The following SLC6A7 variants were observed in gnomAD, a reference collection of about 807,000 sequenced individuals.
SLC6A7 encodes solute carrier family 6 member 7.
SLC6A7 carries 58 observed loss-of-function variants against 73.1 expected under a neutral mutation model. The ratio of observed to expected loss-of-function variants is 0.79; its 90% CI spans 0.64 to 0.99. SLC6A7 has a LOEUF of 0.99. Ranked by LOEUF, SLC6A7 falls within the 50% of genes least tolerant of loss-of-function variation. The pLI, the probability that SLC6A7 is intolerant of heterozygous loss-of-function variation, is 0.00. For synonymous variants in SLC6A7, 338 were observed against 338.7 expected (o/e 1.00, Z 0.02); for missense variants, 783 against 831.4 (o/e 0.94, Z 0.72).
In SLC6A7 at chr5:150,209,580, C is replaced by A; in HGVS notation, c.1876C>A (p.Arg626Ser). ...SFENTAIEVD[R>S]EIAEEEESMM is the part of the protein sequence containing the mutation. ...CGAGAACACGGCCATCGAGGTGGAC[C>A]GTGAGATTGCAGAGGAGGAGGAGTC... The change falls in exon 14 of 14, where the codon CGT (arginine) becomes AGT (serine). Residue 626 changes from arginine to serine, a missense_variant. Physicochemically the swap from Arg to Ser is moderately radical, Grantham distance 110 (BLOSUM62 -1). Transcript: ENST00000230671. 2.5e-6 allele frequency: 4 copies of A among 1,612,348 alleles called. No homozygotes were observed. Among genetic ancestry groups the A allele is most frequent in the Non-Finnish European group, 3.4e-6 (4 of 1,179,186 alleles).
At chr5:150,203,645 A>T in intron 8 of SLC6A7, 22 bp from the exon 9 acceptor site, 1 of 1,285,554 alleles carries the variant, frequency 7.8e-7, no homozygotes, top group Non-Finnish European at 1.1e-6. Context: ...CAAGCTGCTG[A>T]CCCCGTGTGC....
At position 150,204,957 on chromosome 5, in the gene SLC6A7, C is replaced by G. The variant is rs1164876559; in HGVS notation, c.1533+30C>G. The stretch of plus-strand genomic sequence containing the variant: ...CTGGGGAGGGCGGGAGGGTTTCTGG[C>G]TGGGGCCCCAGAATTGAAAGCGGGA... On this transcript the variant is annotated intron_variant, in intron 12 of 13. Coordinates refer to ENST00000230671, the MANE Select transcript of SLC6A7 (RefSeq NM_014228.5). 3.0e-6 allele frequency: 4 copies of G among 1,336,164 alleles called. No homozygotes were observed. In the Admixed American group the frequency reaches 6.7e-5, roughly 23 times the overall value. The allele number at this position is 1,336,164 out of a possible 1,614,324, so 82.8% of individuals were successfully genotyped here.
chr5:150,196,842 T>G lies in SLC6A7; in HGVS notation c.344T>G (p.Phe115Cys), dbSNP rs764291834. 1 of 1,613,906 alleles carries G rather than the reference T, an allele frequency of 6.2e-7. No individual in the cohort carries two copies. Among genetic ancestry groups the G allele is most frequent in the South Asian group, 1.1e-5 (1 of 91,064 alleles). ...GCTGTCTGGAAAATCAGCCCTCTCT[T>G]CAAAGGTGAGGCCTCAGTGGTCCCC... The part of the protein sequence containing the change: ...PLAVWKISPL[F>C]KGAGAAMLLI... Residue 115 changes from phenylalanine to cysteine, a missense_variant, in exon 3 of 14, where the codon TTC becomes TGC. Phe to Cys is a radical substitution (Grantham distance 205, BLOSUM62 -2). Coordinates refer to ENST00000230671, the MANE Select transcript of SLC6A7 (RefSeq NM_014228.5).
At chr5:150,191,976 C>T (rs1279206099) in intron 1 of SLC6A7, among the ~76,000 whole-genome samples, 2 of 151,886 alleles carry the variant, frequency 1.3e-5, no homozygotes, top group Non-Finnish European at 2.9e-5. Context: ...AACTGAGGCA[C>T]AGAGGGGTGA....
At chr5:150,201,667 C>T (rs6579777) in intron 6 of SLC6A7, among the ~76,000 whole-genome samples, 3 of 152,078 alleles carry the variant, frequency 2.0e-5, no homozygotes, top group Non-Finnish European at 4.4e-5. Flanking sequence ...ATCAAGCTTA[C>T]GGTCATACAG....
chr5:150,202,529 TG>T, intron 7 of SLC6A7, 49 bp from the exon 8 acceptor site: 2 of 1,611,574 alleles, frequency 1.2e-6, no homozygotes, highest in Non-Finnish European at 1.7e-6. Context: ...CCTCAGAGGC[TG>T]AAAGGAAGGC....
rs748208725 is a variant in SLC6A7 at position 150,202,582 on chromosome 5, C to T, written c.966C>T (p.Asp322=). The T allele has an allele frequency of 1.2e-5, 19 of 1,614,050 alleles. No individual in the cohort carries two copies. In the Admixed American group the frequency reaches 2.0e-4, roughly 17 times the overall value. Reference sequence around the variant, plus strand: ...GCACCTGGACTTCTTCTGGTAGAGACACTTTCATCGTCACTCTGGGCAACG... The same window carrying T: ...GCACCTGGACTTCTTCTGGTAGAGATACTTTCATCGTCACTCTGGGCAACG... ...YNTFHQNIYR[D]TFIVTLGNAI... Residue 322 remains aspartate, a synonymous_variant, in exon 8 of 14, where the codon GAC becomes GAT. Transcript: ENST00000230671.
At chr5:150,203,451 GTGTT>G (rs1217832921) in intron 8 of SLC6A7, among the ~76,000 whole-genome samples, 1 of 152,186 alleles carries the variant, frequency 6.6e-6, no homozygotes, top group Non-Finnish European at 1.5e-5. Context: ...TTGGGGTCTT[GTGTT>G]TGTTTATCAA....
At chr5:150,199,192 G>T in intron 4 of SLC6A7, 36 bp from the exon 5 acceptor site, 1 of 1,544,610 alleles carries the variant, frequency 6.5e-7, no homozygotes, top group Non-Finnish European at 8.7e-7. Flanking sequence ...GCCTGGTGGG[G>T]TGACCAGGGG....
At position 150,200,142 on chromosome 5, in the gene SLC6A7, A is replaced by T. The variant is rs1026058702; in HGVS notation, c.723+776A>T. Among the ~76,000 whole-genome samples the T allele has an allele frequency of 2.0e-5, 3 of 152,208 alleles. No homozygotes were observed. In the East Asian group the frequency reaches 5.8e-4, roughly 29 times the overall value. On this transcript the variant is annotated intron_variant, in intron 5 of 13. Coordinates refer to ENST00000230671, the MANE Select transcript of SLC6A7 (RefSeq NM_014228.5). ...AGGTAAACTAGAGACTGGAAGACAA[A>T]GCCACGGATGTCTACTTTAGGTGAT...
chr5:150,208,984 G>T (rs959566910), intron 13 of SLC6A7, among the ~76,000 whole-genome samples: 2 of 152,184 alleles, frequency 1.3e-5, no homozygotes, highest in Non-Finnish European at 2.9e-5. Flanking sequence ...TTAGGGGAAG[G>T]CTCCCGGATT....
At chr5:150,194,004 G>C (rs1447310755) in intron 1 of SLC6A7, among the ~76,000 whole-genome samples, 1 of 152,190 alleles carries the variant, frequency 6.6e-6, no homozygotes. Context: ...TCAAAAAGTT[G>C]TTCTGAGAAT....
At position 150,204,889 on chromosome 5, in the gene SLC6A7, A is replaced by G. The variant is rs1562098998; in HGVS notation, c.1495A>G (p.Arg499Gly). Residue 499 changes from arginine to glycine, a missense_variant, in exon 12 of 14, where the codon AGG (arginine) becomes GGG (glycine). Arg to Gly is a moderately radical substitution (Grantham distance 125, BLOSUM62 -2). Transcript: ENST00000230671. ...GGGCTTCAAGCCGGGCCTCTACTTC[A>G]GGGCCTGCTGGCTGTTCCTGTCCCC... ...MLGFKPGLYF[R>G]ACWLFLSPAT... is the part of the protein sequence containing the mutation. 7.3e-7 allele frequency: 1 copy of G among 1,379,134 alleles called. No individual in the cohort carries two copies. The highest frequency in any genetic ancestry group is 9.7e-7 in the Non-Finnish European group (1 of 1,028,760). The allele number at this position is 1,379,134 out of a possible 1,614,324, so 85.4% of individuals were successfully genotyped here.
chr5:150,194,582 GT>G, intron 1 of SLC6A7, 145 bp from the exon 2 acceptor site: 1 of 664,164 alleles, frequency 1.5e-6, no homozygotes, highest in Non-Finnish European at 2.6e-6. Flanking sequence ...ATATGACAAG[GT>G]TAGTCCAGTT....
At chr5:150,207,769 T>G (rs1004431544) in intron 13 of SLC6A7, among the ~76,000 whole-genome samples, 4 of 152,138 alleles carry the variant, frequency 2.6e-5, no homozygotes, top group African/African-American at 9.7e-5. Flanking sequence ...GTAAAAGTAC[T>G]AATACCCCTC....
rs1370818615 is a variant in SLC6A7 at position 150,194,872 on chromosome 5, G to A, written c.178G>A (p.Val60Ile). The A allele has an allele frequency of 6.2e-7, 1 of 1,614,044 alleles. No homozygotes were observed. The highest frequency in any genetic ancestry group is 1.3e-5 in the African/African-American group (1 of 74,928). ...TGGCTACTGTGTAGGCCTGGGGAAT[G>A]TCTGGCGCTTCCCCTATCGAGCGTA... ...CIGYCVGLGN[V>I]WRFPYRAYTN... Residue 60 changes from valine to isoleucine, a missense_variant, in exon 2 of 14, where the codon GTC becomes ATC. By Grantham distance (29) the Val-to-Ile change is conservative. Coordinates refer to ENST00000230671, the MANE Select transcript of SLC6A7 (RefSeq NM_014228.5).
chr5:150,203,641 G>A (rs1360852566), intron 8 of SLC6A7, 26 bp from the exon 9 acceptor site: 3 of 1,223,800 alleles, frequency 2.5e-6, no homozygotes, highest in East Asian at 4.6e-5. Flanking sequence ...GACCCAAGCT[G>A]CTGACCCCGT....
Position 150,190,375 on chromosome 5 carries a change from CG to C in SLC6A7, c.33+20del. On this transcript the variant is annotated intron_variant, in intron 1 of 13. Transcript: ENST00000230671. The stretch of plus-strand genomic sequence containing the variant: ...ACCTCCGCAAGGTAGGGCACGAGGG[CG>C]GGGGCGCTGGGGGTGCACCTGGAGG... The C allele has an allele frequency of 1.3e-6, 2 of 1,484,164 alleles. No individual in the cohort carries two copies. Among genetic ancestry groups the C allele is most frequent in the Admixed American group, 2.6e-5 (1 of 38,794 alleles). 91.9% of individuals were successfully genotyped at this position (1,484,164 alleles called of 1,614,324 possible). A position where few individuals can be genotyped will look rare whatever the true frequency, so the allele number is the denominator to read the frequency against.
At chr5:150,200,987 C>A in intron 5 of SLC6A7, 102 bp from the exon 6 acceptor site, 1 of 1,287,946 alleles carries the variant, frequency 7.8e-7, no homozygotes, top group Non-Finnish European at 1.1e-6. Context: ...CTGGCTTGGG[C>A]TACCCAAAGG....
Sources: gnomAD v4.1 joint callset for allele counts (sites outside exome capture counted in the v4.1 genomes callset) on GRCh38, gnomAD v4.1.1 for gene constraint, MANE v1.5 for transcripts, NCBI Gene and HGNC (gene_info 2026-07-23, HGNC 2026-07-21) for gene names.